TBC1D19: variants seen among roughly 807,000 people sequenced by gnomAD.
The protein encoded by TBC1D19 is TBC1 domain family, member 19.
A neutral mutation model predicts 89.0 loss-of-function variants in TBC1D19; 60 were observed. That is an observed-to-expected ratio of 0.67 (90% CI 0.55 to 0.84). The LOEUF is 0.84. Among genes scored for constraint, TBC1D19 ranks in the 40% least tolerant of loss-of-function variants. The pLI is 0.00. For missense variants in TBC1D19, 500 were observed against 610.8 expected (o/e 0.82, Z 1.91); for synonymous variants, 189 against 199.7 (o/e 0.95, Z 0.45).
At chr4:26,740,892 A>G (rs1026975012) in intron 17 of TBC1D19, 7 of 985,306 alleles carry the variant, frequency 7.1e-6, no homozygotes, top group African/African-American at 1.7e-5. Flanking sequence ...GCTTTCATAC[A>G]TCGCTAGTGA....
At chr4:26,666,814 T>G (rs558215289) in intron 9 of TBC1D19, among the ~76,000 whole-genome samples, 1 of 152,164 alleles carries the variant, frequency 6.6e-6, no homozygotes, top group African/African-American at 2.4e-5. Context: ...CCAAGCAGTT[T>G]TCCTAACTTT....
the TBC1D19 span, among the ~76,000 whole-genome samples, chr4:26,825,695 G>C: frequency 6.6e-6 from 1 of 152,128 alleles, no homozygotes; most frequent in East Asian, 1.9e-4. Context: ...CAGACTTTTG[G>C]GTGCAACTCC....
At chr4:26,657,338 T>A (rs1744924059) in intron 7 of TBC1D19, among the ~76,000 whole-genome samples, 1 of 152,034 alleles carries the variant, frequency 6.6e-6, no homozygotes, top group Non-Finnish European at 1.5e-5. Context: ...ATACAGTGTT[T>A]GGTTTTCTGT....
chr4:26,813,966 G>A, the TBC1D19 span, among the ~76,000 whole-genome samples: 13 of 152,070 alleles, frequency 8.5e-5, no homozygotes, highest in Admixed American at 4.6e-4. Context: ...CAAGCAGCCC[G>A]ACTTCACACT....
intron 1 of TBC1D19, among the ~76,000 whole-genome samples, chr4:26,596,901 A>C (rs1278864026): frequency 6.6e-6 from 1 of 152,208 alleles, no homozygotes; most frequent in Non-Finnish European, 1.5e-5. Flanking sequence ...GAGATACTTT[A>C]AAAGATATTT....
the TBC1D19 span, among the ~76,000 whole-genome samples, chr4:26,817,040 G>A: frequency 2.6e-5 from 4 of 152,186 alleles, no homozygotes; most frequent in Admixed American, 2.0e-4. Context: ...GGAGCAGAGC[G>A]ATGTACTATC....
chr4:26,813,488 G>A, the TBC1D19 span, among the ~76,000 whole-genome samples: 5 of 152,124 alleles, frequency 3.3e-5, no homozygotes, highest in Admixed American at 6.5e-5. Flanking sequence ...ACATAAATGC[G>A]AATGCGTTTT....
intron 13 of TBC1D19, among the ~76,000 whole-genome samples, chr4:26,701,573 A>G (rs1471954837): frequency 6.6e-6 from 1 of 152,138 alleles, no homozygotes. Context: ...ATTATTGAGA[A>G]GGAAGCTTTC....
At chr4:26,698,929 A>G (rs1480294177) in intron 13 of TBC1D19, among the ~76,000 whole-genome samples, 1 of 152,202 alleles carries the variant, frequency 6.6e-6, no homozygotes, top group Non-Finnish European at 1.5e-5. Flanking sequence ...AACCTAGACA[A>G]TACCATTCAG....
chr4:26,781,380 G>T, the TBC1D19 span, among the ~76,000 whole-genome samples: 2 of 152,158 alleles, frequency 1.3e-5, no homozygotes, highest in African/African-American at 4.8e-5. Context: ...GACCTTGGAT[G>T]TCAGTTCTCT....
At chr4:26,722,831 A>C (rs2109275522) in intron 15 of TBC1D19, among the ~76,000 whole-genome samples, 1 of 152,286 alleles carries the variant, frequency 6.6e-6, no homozygotes, top group African/African-American at 2.4e-5. Flanking sequence ...GGAAGGTACT[A>C]ATATTATCCC....
chr4:26,769,975 T>C, the TBC1D19 span, among the ~76,000 whole-genome samples: 4 of 149,712 alleles, frequency 2.7e-5, no homozygotes. Context: ...TTACAACTAA[T>C]AAAGGAGATA....
intron 1 of TBC1D19, among the ~76,000 whole-genome samples, chr4:26,578,201 T>C (rs1411074189): frequency 6.6e-6 from 1 of 152,198 alleles, no homozygotes; most frequent in African/African-American, 2.4e-5. Flanking sequence ...GCCCGCCAGT[T>C]ATGCAGTAGA....
the TBC1D19 span, among the ~76,000 whole-genome samples, chr4:26,793,715 T>C: frequency 2.2e-5 from 3 of 137,606 alleles, no homozygotes; most frequent in Non-Finnish European, 4.7e-5. Flanking sequence ...AGAGTGGGAC[T>C]TCGTCTCAAA....
intron 1 of TBC1D19, among the ~76,000 whole-genome samples, chr4:26,585,728 C>T (rs1487574259): frequency 6.6e-6 from 1 of 151,992 alleles, no homozygotes; most frequent in Non-Finnish European, 1.5e-5. Context: ...GGATTACAGG[C>T]ATCCACCACC....
At chr4:26,784,597 T>G in the TBC1D19 span, among the ~76,000 whole-genome samples, 1 of 152,316 alleles carries the variant, frequency 6.6e-6, no homozygotes, top group South Asian at 2.1e-4. Context: ...ACCTTTGTTA[T>G]GGACATTCCC....
the TBC1D19 span, among the ~76,000 whole-genome samples, chr4:26,779,079 T>G: frequency 6.6e-6 from 1 of 152,208 alleles, no homozygotes. Context: ...CTAAGAATAC[T>G]GGGAGCTTCT....
the TBC1D19 span, among the ~76,000 whole-genome samples, chr4:26,816,034 C>G: frequency 6.6e-6 from 1 of 152,144 alleles, no homozygotes; most frequent in African/African-American, 2.4e-5. Context: ...GGTCAGGAAA[C>G]TTTTTTCTAA....
chr4:26,810,805 GA>G, the TBC1D19 span, among the ~76,000 whole-genome samples: 1 of 152,176 alleles, frequency 6.6e-6, no homozygotes, highest in Non-Finnish European at 1.5e-5. Context: ...GTAAGTTCCA[GA>G]ATGCAGGAAC....
Sources: gnomAD v4.1 joint callset for allele counts (sites outside exome capture counted in the v4.1 genomes callset) on GRCh38, gnomAD v4.1.1 for gene constraint, MANE v1.5 for transcripts, NCBI Gene and HGNC (gene_info 2026-07-23, HGNC 2026-07-21) for gene names.